The following COBLL1 variants were observed in gnomAD, a reference collection of about 807,000 sequenced individuals.
The protein encoded by COBLL1 is cordon-bleu WH2 repeat protein like 1.
A neutral mutation model predicts 94.8 loss-of-function variants in COBLL1; 50 were observed. That is an observed-to-expected ratio of 0.53 (90% CI 0.42 to 0.67). The LOEUF is 0.67. COBLL1 is among the 30% of genes least tolerant of loss of function. The pLI is 0.00. For missense variants in COBLL1, 1,362 were observed against 1,348.7 expected, an observed-to-expected ratio of 1.01 and a Z score of -0.15; for synonymous variants, 448 against 473.8, an observed-to-expected ratio of 0.95 and a Z score of 0.71.
intron 2 of COBLL1, among the ~76,000 whole-genome samples, chr2:164,798,801 C>T (rs1270976551): frequency 2.6e-5 from 4 of 151,216 alleles, no homozygotes; most frequent in African/African-American, 7.3e-5. Flanking sequence ...AGGCGGATCA[C>T]GAGGTCAGGA....
chr2:164,774,913 T>C lies in COBLL1; in HGVS notation c.42-31038A>G, dbSNP rs112457278. ...ATGTGAGGAGATACATATTTTAATCTGCTTGACTGCAGTAATCATCTCAAT... is the reference window on the plus strand; with the variant it reads ...ATGTGAGGAGATACATATTTTAATCCGCTTGACTGCAGTAATCATCTCAAT... On this transcript the variant is annotated intron_variant, in intron 2 of 13. Transcript: ENST00000652658. Among the ~76,000 whole-genome samples the C allele has an allele frequency of 1.5e-3, 232 of 152,030 alleles. 2 individuals carry two copies. The highest frequency in any genetic ancestry group is 5.4e-3 in the African/African-American group (225 of 41,484).
In COBLL1 at chr2:164,682,611, C is replaced by T. The variant is rs1047644892; in HGVS notation, c.*3335G>A. 2 of 152,158 alleles carry T rather than the reference C, an allele frequency of 1.3e-5. No individual in the cohort carries two copies. The highest frequency in any genetic ancestry group is 1.3e-4 in the Admixed American group (2 of 15,270). The allele number at this position is 152,158 out of a possible 1,614,324, so 9.4% of individuals were successfully genotyped here. On this transcript the variant is annotated 3_prime_UTR_variant, in exon 14 of 14. Coordinates refer to ENST00000652658, the MANE Select transcript of COBLL1 (RefSeq NM_001365672.2). ...AGAGGTGAAATCGGAAGAAGGGTCA[C>T]TCCTCAAAGAATAGGGAGTATATTA...
intron 2 of COBLL1, among the ~76,000 whole-genome samples, chr2:164,775,203 C>T (rs972564751): frequency 2.0e-5 from 3 of 151,958 alleles, no homozygotes; most frequent in Non-Finnish European, 4.4e-5. Context: ...ACCTCATAGC[C>T]TCTTGTGAGC....
rs1683226735 is a variant in COBLL1, at chr2:164,685,366, A to G, written c.*580T>C. Reference sequence around the variant, plus strand: ...TGAGCTTCCCATAAAATTGACAGTGATTTGTAATTACATAAAGAATACACA... The same window carrying G: ...TGAGCTTCCCATAAAATTGACAGTGGTTTGTAATTACATAAAGAATACACA... On this transcript the variant is annotated 3_prime_UTR_variant, in exon 14 of 14. Transcript: ENST00000652658. 1 of 152,202 alleles carries G rather than the reference A, an allele frequency of 6.6e-6. No homozygotes were observed. The allele number at this position is 152,202 out of a possible 1,614,324, so 9.4% of individuals were successfully genotyped here.
chr2:164,722,497 T>C lies in COBLL1; in HGVS notation c.687A>G (p.Leu229=). 6.6e-7 allele frequency: 1 copy of C among 1,515,458 alleles called. No individual in the cohort carries two copies. The highest frequency in any genetic ancestry group is 8.8e-7 in the Non-Finnish European group (1 of 1,133,030). The allele number at this position is 1,515,458 out of a possible 1,614,324, so 93.9% of individuals were successfully genotyped here. ...TATTTTCTTTCTCCTTCATAATATC[T>C]AGGTTTTGTGATATTTGGCAGGACT... ...NRESCQISQN[L]DIMKEKENKG... Residue 229 remains leucine (L), a synonymous_variant, in exon 6 of 14, where the codon CTA becomes CTG. Coordinates refer to ENST00000652658, the MANE Select transcript of COBLL1 (RefSeq NM_001365672.2).
intron 2 of COBLL1, among the ~76,000 whole-genome samples, chr2:164,760,082 C>T (rs1574536312): frequency 2.0e-5 from 3 of 152,266 alleles, no homozygotes; most frequent in Non-Finnish European, 2.9e-5. Context: ...CTTATATTCA[C>T]AAAAACCTCT....
intron 5 of COBLL1, chr2:164,722,781 G>T: frequency 4.8e-6 from 1 of 208,050 alleles, no homozygotes. Context: ...ACAGAGCTAC[G>T]ACACAAACTC....
At chr2:164,730,913 C>T (rs1685975664) in intron 3 of COBLL1, among the ~76,000 whole-genome samples, 1 of 152,184 alleles carries the variant, frequency 6.6e-6, no homozygotes, top group East Asian at 1.9e-4. Context: ...ATTCTTTAAT[C>T]ATCCAAAGGT....
chr2:164,706,016 A>G (rs1684577209), intron 7 of COBLL1, among the ~76,000 whole-genome samples: 3 of 152,204 alleles, frequency 2.0e-5, no homozygotes, highest in African/African-American at 7.2e-5. Context: ...CCTGGGCGAC[A>G]AGAGTGAAAC....
chr2:164,741,971 C>T (rs1453037645), intron 3 of COBLL1, among the ~76,000 whole-genome samples: 1 of 151,916 alleles, frequency 6.6e-6, no homozygotes, highest in African/African-American at 2.4e-5. Context: ...AATAAGGAAC[C>T]CTAAGATCTC....
At position 164,722,164 on chromosome 2, in the gene COBLL1, A is replaced by G. The variant is rs762454545; in HGVS notation, c.907T>C (p.Ser303Pro). ...RRAPLPPMPA[S>P]QSVPQDLAHI... Reference sequence around the variant, plus strand: ...GCAAGGTCTTGGGGGACACTCTGAGATGCTGGCATCGGGGGCAGTGGAGCC... The same window carrying G: ...GCAAGGTCTTGGGGGACACTCTGAGGTGCTGGCATCGGGGGCAGTGGAGCC... The change falls in exon 7 of 14, where the codon TCT becomes CCT. Residue 303 changes from serine (S) to proline (P), a missense_variant. Physicochemically the swap from Ser to Pro is moderately conservative, Grantham distance 74. Transcript: ENST00000652658. The G allele has an allele frequency of 1.2e-6, 2 of 1,614,094 alleles. No individual in the cohort carries two copies. The highest frequency in any genetic ancestry group is 2.2e-5 in the South Asian group (2 of 91,086).
intron 7 of COBLL1, among the ~76,000 whole-genome samples, chr2:164,716,772 C>T (rs1232205916): frequency 6.6e-6 from 1 of 152,008 alleles, no homozygotes; most frequent in Non-Finnish European, 1.5e-5. Flanking sequence ...TGAGCATTTT[C>T]AGTATAAGCT....
intron 3 of COBLL1, chr2:164,743,074 T>G (rs1686682004): frequency 6.6e-6 from 1 of 152,198 alleles, no homozygotes; most frequent in African/African-American, 2.4e-5. Flanking sequence ...GTCTTCTAAA[T>G]CACATCTTTC....
At chr2:164,738,838 A>G (rs1686453379) in intron 3 of COBLL1, among the ~76,000 whole-genome samples, 1 of 152,208 alleles carries the variant, frequency 6.6e-6, no homozygotes, top group Admixed American at 6.5e-5. Flanking sequence ...TCACACTCAA[A>G]AAGTTTTGGA....
chr2:164,767,926 G>A (rs1463112134), intron 2 of COBLL1, among the ~76,000 whole-genome samples: 1 of 152,100 alleles, frequency 6.6e-6, no homozygotes, highest in African/African-American at 2.4e-5. Context: ...AAATATAACT[G>A]GCATGAGAAG....
At chr2:164,773,710 T>C (rs1688323331) in intron 2 of COBLL1, 1 of 1,264,334 alleles carries the variant, frequency 7.9e-7, no homozygotes, top group Non-Finnish European at 1.0e-6. Context: ...TACTTACAAC[T>C]GTTCCAGAAA....
intron 2 of COBLL1, among the ~76,000 whole-genome samples, chr2:164,800,163 T>G (rs1559028241): frequency 6.6e-6 from 1 of 152,154 alleles, no homozygotes; most frequent in Non-Finnish European, 1.5e-5. Context: ...GGAGAAAATA[T>G]TTCCAAATCA....
intron 1 of COBLL1, among the ~76,000 whole-genome samples, chr2:164,667,383 A>G (rs561087574): frequency 1.3e-5 from 2 of 152,334 alleles, no homozygotes; most frequent in South Asian, 4.1e-4. Context: ...CACCAGTTCC[A>G]TTAGCCCCTA....
At chr2:164,765,049 A>G (rs1016837859) in intron 2 of COBLL1, among the ~76,000 whole-genome samples, 1 of 152,202 alleles carries the variant, frequency 6.6e-6, no homozygotes, top group African/African-American at 2.4e-5. Context: ...CTCAAAAAAC[A>G]GTATTAAGCA....
Sources: allele counts gnomAD v4.1 joint callset (sites outside exome capture counted in the v4.1 genomes callset), GRCh38; gene constraint gnomAD v4.1.1; transcripts MANE v1.5; gene names NCBI Gene and HGNC (gene_info 2026-07-23, HGNC 2026-07-21).